RGL1: variants seen among roughly 807,000 people sequenced by gnomAD.
RGL1 encodes ral guanine nucleotide dissociation stimulator like 1, also known as ral guanine nucleotide dissociation stimulator-like 1.
RGL1 carries 24 observed loss-of-function variants against 95.2 expected under a neutral mutation model. The ratio of observed to expected loss-of-function variants is 0.25; its 90% confidence interval spans 0.18 to 0.35. The LOEUF is 0.35. Ranked by LOEUF, RGL1 falls within the 10% of genes least tolerant of loss-of-function variation. RGL1 has a pLI of 1.00. For synonymous variants in RGL1, 329 were observed against 344.9 expected (o/e 0.95, Z 0.51); for missense variants, 715 against 936.3 (o/e 0.76, Z 3.08).
intron 8 of RGL1, among the ~76,000 whole-genome samples, chr1:183,889,501 G>A (rs1190945724): frequency 6.6e-6 from 1 of 152,130 alleles, no homozygotes; most frequent in African/African-American, 2.4e-5. Context: ...GGAAGGTCTG[G>A]GTCCTCAGTT....
chr1:183,667,387 C>T (rs886922227), intron 1 of RGL1, among the ~76,000 whole-genome samples: 3 of 152,064 alleles, frequency 2.0e-5, no homozygotes, highest in Non-Finnish European at 2.9e-5. Flanking sequence ...TGCAATGGCG[C>T]GATCTCGGCT....
intron 1 of RGL1, among the ~76,000 whole-genome samples, chr1:183,669,701 A>G (rs1652307806): frequency 6.6e-6 from 1 of 152,198 alleles, no homozygotes; most frequent in Non-Finnish European, 1.5e-5. Flanking sequence ...TACTGCTATG[A>G]AGAAATACCT....
At chr1:183,666,008 T>TC (rs942891373) in intron 1 of RGL1, among the ~76,000 whole-genome samples, 4 of 148,202 alleles carry the variant, frequency 2.7e-5, no homozygotes, top group African/African-American at 9.8e-5. Flanking sequence ...TTTTTTTCTT[T>TC]TTTTTTTTTT....
intron 1 of RGL1, among the ~76,000 whole-genome samples, chr1:183,672,266 GT>G (rs1652517338): frequency 6.6e-6 from 1 of 152,046 alleles, no homozygotes; most frequent in Admixed American, 6.6e-5. Context: ...ACTATGATGT[GT>G]TTAGGTATGG....
chr1:183,659,345 T>C (rs1411096796), intron 1 of RGL1, among the ~76,000 whole-genome samples: 1 of 151,912 alleles, frequency 6.6e-6, no homozygotes, highest in Non-Finnish European at 1.5e-5. Flanking sequence ...GAATAACCAA[T>C]ACAGAGAAGT....
At chr1:183,788,790 A>G (rs930882049) in intron 2 of RGL1, among the ~76,000 whole-genome samples, 1 of 152,224 alleles carries the variant, frequency 6.6e-6, no homozygotes, top group African/African-American at 2.4e-5. Context: ...ATTCTTATTT[A>G]GGAAAAATAT....
At chr1:183,765,531 T>C (rs941729935) in intron 2 of RGL1, among the ~76,000 whole-genome samples, 1 of 152,198 alleles carries the variant, frequency 6.6e-6, no homozygotes, top group Non-Finnish European at 1.5e-5. Flanking sequence ...CCATGAAAAT[T>C]ATTTCAATCC....
chr1:183,912,037 C>A, intron 14 of RGL1, 45 bp from the exon 15 acceptor site: 1 of 1,566,252 alleles, frequency 6.4e-7, no homozygotes, highest in Admixed American at 1.7e-5. Flanking sequence ...TCATGGATTC[C>A]AGATTTGTAA....
intron 5 of RGL1, 97 bp downstream of exon 5, chr1:183,880,897 T>C: frequency 1.8e-6 from 2 of 1,124,570 alleles, no homozygotes; most frequent in Non-Finnish European, 1.2e-6. Context: ...ATAGGAAACC[T>C]TGGTACCCTC....
At position 183,880,597 on chromosome 1, in the gene RGL1, C is replaced by T. The variant is rs766268848; in HGVS notation, c.426-19C>T. On this transcript the variant is annotated intron_variant, in intron 4 of 17. Coordinates refer to ENST00000360851, the MANE Select transcript of RGL1 (RefSeq NM_001297671.3). ...CCACAGCCAGTTGGGTGCAGTGACTCTCCATTTGTCTTTCTCAGTGCAATC... is the reference window on the plus strand; with the variant it reads ...CCACAGCCAGTTGGGTGCAGTGACTTTCCATTTGTCTTTCTCAGTGCAATC... 6.2e-7 allele frequency: 1 copy of T among 1,611,892 alleles called. No individual in the cohort carries two copies. Among genetic ancestry groups the T allele is most frequent in the Non-Finnish European group, 8.5e-7 (1 of 1,179,076 alleles).
At chr1:183,638,121 T>C (rs1030903710) in intron 1 of RGL1, among the ~76,000 whole-genome samples, 2 of 152,174 alleles carry the variant, frequency 1.3e-5, no homozygotes, top group African/African-American at 4.8e-5. Flanking sequence ...TTGCCTTATT[T>C]AGGAAATTTT....
chr1:183,784,336 C>G (rs1407100632), intron 2 of RGL1, among the ~76,000 whole-genome samples: 10 of 152,158 alleles, frequency 6.6e-5, no homozygotes, highest in Non-Finnish European at 1.3e-4. Context: ...GAAGTGTAAT[C>G]AAGACTGAGG....
chr1:183,880,652 G>C lies in RGL1; in HGVS notation c.462G>C (p.Gln154His). The C allele has an allele frequency of 6.2e-7, 1 of 1,613,912 alleles. No individual in the cohort carries two copies. Among genetic ancestry groups the C allele is most frequent in the Non-Finnish European group, 8.5e-7 (1 of 1,179,836 alleles). Residue 154 changes from glutamine (Q) to histidine (H), a missense_variant, in exon 5 of 18, where the codon CAG (glutamine) becomes CAC (histidine). Physicochemically the swap from Gln to His is conservative, Grantham distance 24 (BLOSUM62 0). Around this residue, in one of 3 missense-constraint regions of RGL1, gnomAD observed 381 missense variants for 484.8 expected, o/e 0.79. Coordinates refer to ENST00000360851, the MANE Select transcript of RGL1 (RefSeq NM_001297671.3). ...IASILRAWLD[Q>H]CAEDFREPPH... Reference sequence around the variant, plus strand: ...CCATACTAAGGGCCTGGCTTGACCAGTGTGCAGAAGACTTCCGAGAGCCCC... The same window carrying C: ...CCATACTAAGGGCCTGGCTTGACCACTGTGCAGAAGACTTCCGAGAGCCCC...
chr1:183,792,631 A>T (rs1660490954), intron 2 of RGL1, among the ~76,000 whole-genome samples: 1 of 152,190 alleles, frequency 6.6e-6, no homozygotes, highest in African/African-American at 2.4e-5. Flanking sequence ...ATACAAAATC[A>T]ACATACAAAA....
At chr1:183,728,225 G>A (rs980292611) in intron 1 of RGL1, among the ~76,000 whole-genome samples, 1 of 152,098 alleles carries the variant, frequency 6.6e-6, no homozygotes, top group African/African-American at 2.4e-5. Flanking sequence ...CTTTGGACTT[G>A]GAGTAGAATT....
At chr1:183,797,962 G>T (rs1268273636) in intron 2 of RGL1, among the ~76,000 whole-genome samples, 1 of 152,174 alleles carries the variant, frequency 6.6e-6, no homozygotes, top group African/African-American at 2.4e-5. Flanking sequence ...TCCTCCAAAA[G>T]GTTTTATGGA....
intron 17 of RGL1, among the ~76,000 whole-genome samples, chr1:183,925,137 G>A (rs990277644): frequency 6.6e-6 from 1 of 152,128 alleles, no homozygotes; most frequent in Non-Finnish European, 1.5e-5. Flanking sequence ...TTAAAAGAAG[G>A]GGATATTTGC....
At chr1:183,646,830 T>C (rs1362608431) in intron 1 of RGL1, 1 of 152,240 alleles carries the variant, frequency 6.6e-6, no homozygotes, top group African/African-American at 2.4e-5. Context: ...ATTTCAGCCT[T>C]GCTACTCACA....
intron 1 of RGL1, among the ~76,000 whole-genome samples, chr1:183,656,604 T>A (rs149867890): frequency 2.2e-4 from 34 of 152,360 alleles, no homozygotes; most frequent in African/African-American, 6.5e-4. Context: ...TCCTTTTTTG[T>A]CCACAAATCC....
Sources: gnomAD v4.1 joint callset for allele counts (sites outside exome capture counted in the v4.1 genomes callset) on GRCh38, gnomAD v4.1.1 for gene constraint, gnomAD v4.1.1 regional missense constraint, MANE v1.5 for transcripts, NCBI Gene and HGNC (gene_info 2026-07-23, HGNC 2026-07-21) for gene names.